The following TSHZ2 variants were observed in gnomAD, a reference collection of about 807,000 sequenced individuals.
The protein encoded by TSHZ2 is teashirt zinc finger homeobox 2, also known as teashirt homolog 2.
A neutral mutation model predicts 74.4 loss-of-function variants in TSHZ2; 21 were observed. The observed-to-expected ratio is 0.28, with a 90% CI of 0.20 to 0.41. The LOEUF (loss-of-function observed/expected upper bound fraction) is 0.41, where lower values mean the gene tolerates loss of function less well. Ranked by LOEUF, TSHZ2 falls within the 10% of genes least tolerant of loss-of-function variation. The probability of loss-of-function intolerance (pLI) is 1.00; values close to 1 mark genes in which losing one functional copy is unlikely to be tolerated. For missense variants in TSHZ2, 1,244 were observed against 1,293.5 expected (o/e 0.96, Z 0.59); for synonymous variants, 540 against 515.3 (o/e 1.05, Z -0.65).
In TSHZ2 at chr20:53,161,130, C is replaced by CAAAAAAAAAAAAAAAA. The variant is rs368626161; in HGVS notation, c.41-92361_41-92346dup. 1.2e-4 allele frequency among the ~76,000 whole-genome samples: 8 copies of CAAAAAAAAAAAAAAAA among 67,966 alleles called. 2 individuals are homozygous for CAAAAAAAAAAAAAAAA. Among genetic ancestry groups the CAAAAAAAAAAAAAAAA allele is most frequent in the South Asian group, 7.3e-4 (1 of 1,376 alleles). 44.6% of individuals were successfully genotyped at this position (67,966 alleles called of 152,430 possible). On this transcript the variant is annotated intron_variant, in intron 1 of 2. Transcript: ENST00000371497. ...AGAAACCAACTCTGGTTATTTTCAG[C>CAAAAAAAAAAAAAAAA]AAAAAAAAAAAAAAAAAAAAAAATA...
intron 1 of TSHZ2, among the ~76,000 whole-genome samples, chr20:53,195,148 C>A (rs904001706): frequency 6.6e-6 from 1 of 152,134 alleles, no homozygotes; most frequent in Non-Finnish European, 1.5e-5. Context: ...AGGATTAAGG[C>A]TTTGAGACAT....
At chr20:53,104,673 C>G (rs1025789251) in intron 1 of TSHZ2, among the ~76,000 whole-genome samples, 2 of 152,128 alleles carry the variant, frequency 1.3e-5, no homozygotes, top group African/African-American at 4.8e-5. Context: ...TCTTTAATAG[C>G]AAACTGGTGT....
intron 1 of TSHZ2, among the ~76,000 whole-genome samples, chr20:53,000,939 T>G (rs1982385007): frequency 6.6e-6 from 1 of 152,136 alleles, no homozygotes; most frequent in Non-Finnish European, 1.5e-5. Context: ...TTCTGCTGAC[T>G]TAGAAAGACA....
intron 1 of TSHZ2, among the ~76,000 whole-genome samples, chr20:53,088,323 A>C (rs1384741711): frequency 1.3e-5 from 2 of 152,204 alleles, no homozygotes; most frequent in Non-Finnish European, 2.9e-5. Context: ...AGTCTACTGG[A>C]GTTAGACAGA....
chr20:53,418,258 C>CT (rs1983342884), intron 2 of TSHZ2, among the ~76,000 whole-genome samples: 1 of 152,082 alleles, frequency 6.6e-6, no homozygotes, highest in Non-Finnish European at 1.5e-5. Context: ...CCAAGGTTCC[C>CT]TTTTTTCTGA....
chr20:52,973,594 CT>C (rs1364505713), intron 1 of TSHZ2, among the ~76,000 whole-genome samples: 1 of 152,216 alleles, frequency 6.6e-6, no homozygotes, highest in Non-Finnish European at 1.5e-5. Flanking sequence ...TACCCCACCC[CT>C]AACTTTCTTC....
chr20:53,233,137 T>G (rs985293365), intron 1 of TSHZ2, among the ~76,000 whole-genome samples: 4 of 152,222 alleles, frequency 2.6e-5, no homozygotes, highest in Non-Finnish European at 5.9e-5. Context: ...TACCATTGAT[T>G]GTAAGATTCA....
intron 1 of TSHZ2, among the ~76,000 whole-genome samples, chr20:53,124,838 G>T (rs1177419412): frequency 6.6e-6 from 1 of 152,184 alleles, no homozygotes; most frequent in East Asian, 1.9e-4. Flanking sequence ...CAGGGAGTGG[G>T]CATAACACGT....
intron 1 of TSHZ2, among the ~76,000 whole-genome samples, chr20:53,247,663 G>T (rs534512072): frequency 5.3e-5 from 8 of 152,124 alleles, no homozygotes; most frequent in Non-Finnish European, 7.3e-5. Context: ...AAATTCTCAC[G>T]ATCTCCTCAT....
chr20:53,092,416 T>C (rs1985911300), intron 1 of TSHZ2, among the ~76,000 whole-genome samples: 2 of 152,210 alleles, frequency 1.3e-5, no homozygotes, highest in Admixed American at 1.3e-4. Flanking sequence ...ATATTACCCG[T>C]TGACTGTGTT....
chr20:53,278,818 G>A (rs575997290), intron 2 of TSHZ2, among the ~76,000 whole-genome samples: 1 of 152,232 alleles, frequency 6.6e-6, no homozygotes, highest in South Asian at 2.1e-4. Flanking sequence ...CATGCAGTCT[G>A]TGTCACAACT....
chr20:53,089,068 G>A (rs1016314681), intron 1 of TSHZ2, among the ~76,000 whole-genome samples: 7 of 151,702 alleles, frequency 4.6e-5, no homozygotes, highest in African/African-American at 4.8e-5. Flanking sequence ...CCTCCTCCTC[G>A]CCCCTGGCGC....
intron 1 of TSHZ2, among the ~76,000 whole-genome samples, chr20:53,225,348 A>C (rs1038442173): frequency 1.3e-5 from 2 of 152,224 alleles, no homozygotes; most frequent in Non-Finnish European, 2.9e-5. Flanking sequence ...TCTATTGACG[A>C]GAGCCCATCA....
intron 1 of TSHZ2, among the ~76,000 whole-genome samples, chr20:53,084,959 C>T (rs1369181596): frequency 1.3e-5 from 2 of 152,026 alleles, no homozygotes; most frequent in Non-Finnish European, 2.9e-5. Flanking sequence ...AGCCATGTAA[C>T]CTCACTGGGT....
intron 1 of TSHZ2, among the ~76,000 whole-genome samples, chr20:53,219,538 A>G (rs1241234011): frequency 6.6e-6 from 1 of 152,222 alleles, no homozygotes; most frequent in Non-Finnish European, 1.5e-5. Flanking sequence ...GTTATGGGCT[A>G]GCAATTTGTG....
At chr20:53,064,036 C>T (rs560291284) in intron 1 of TSHZ2, among the ~76,000 whole-genome samples, 3 of 152,234 alleles carry the variant, frequency 2.0e-5, no homozygotes, top group African/African-American at 7.2e-5. Flanking sequence ...TGGCTTTTAA[C>T]AGCTGGCAAG....
chr20:53,272,848 A>G (rs368466817), intron 2 of TSHZ2, among the ~76,000 whole-genome samples: 50 of 152,280 alleles, frequency 3.3e-4, no homozygotes, highest in African/African-American at 1.2e-3. Flanking sequence ...GAAACAGGGG[A>G]TGCAGGTTGA....
At chr20:53,339,948 G>A (rs1279848523) in intron 2 of TSHZ2, among the ~76,000 whole-genome samples, 1 of 152,160 alleles carries the variant, frequency 6.6e-6, no homozygotes, top group Non-Finnish European at 1.5e-5. Context: ...CCCAATGTGT[G>A]TCTGCTCAGG....
At chr20:53,303,931 A>G (rs1440257122) in intron 2 of TSHZ2, among the ~76,000 whole-genome samples, 1 of 152,028 alleles carries the variant, frequency 6.6e-6, no homozygotes, top group Non-Finnish European at 1.5e-5. Flanking sequence ...CTTTGTAGCA[A>G]TTCTTTTATC....
Sources: gnomAD v4.1 joint callset for allele counts (sites outside exome capture counted in the v4.1 genomes callset) on GRCh38, gnomAD v4.1.1 for gene constraint, MANE v1.5 for transcripts, NCBI Gene and HGNC (gene_info 2026-07-23, HGNC 2026-07-21) for gene names.